The following TSHZ3 variants were observed in gnomAD, a reference collection of about 807,000 sequenced individuals.
TSHZ3 encodes teashirt zinc finger homeobox 3.
In TSHZ3, 10 loss-of-function variants were observed where a neutral mutation model predicts 64.5. The ratio of observed to expected loss-of-function variants is 0.16; its 90% CI spans 0.10 to 0.26. The LOEUF (loss-of-function observed/expected upper bound fraction) is 0.26, where lower values mean the gene tolerates loss of function less well. Ranked by LOEUF, TSHZ3 falls within the 10% of genes least tolerant of loss-of-function variation. The pLI is 1.00. For missense variants in TSHZ3, 1,242 were observed against 1,421.7 expected, an observed-to-expected ratio of 0.87 and a Z score of 2.03; for synonymous variants, 608 against 593.1, an observed-to-expected ratio of 1.03 and a Z score of -0.36.
intron 1 of TSHZ3, among the ~76,000 whole-genome samples, chr19:31,252,922 T>C (rs114254301): frequency 0.014 from 2,099 of 152,306 alleles, 55 homozygotes; most frequent in African/African-American, 0.048. Flanking sequence ...AAGGCACAAA[T>C]AATAATACTA....
intron 1 of TSHZ3, among the ~76,000 whole-genome samples, chr19:31,339,551 T>C (rs922353802): frequency 9.9e-5 from 15 of 152,172 alleles, no homozygotes; most frequent in Non-Finnish European, 1.9e-4. Flanking sequence ...CCCCGTAGTC[T>C]GGCTGGGGCC....
At chr19:31,322,074 C>G (rs1446540206) in intron 1 of TSHZ3, among the ~76,000 whole-genome samples, 2 of 152,054 alleles carry the variant, frequency 1.3e-5, no homozygotes, top group East Asian at 1.9e-4. Context: ...AGTGAGAACA[C>G]GCAGTGTTTG....
chr19:31,224,903 A>G (rs1012716203), intron 4 of TSHZ3, among the ~76,000 whole-genome samples: 1 of 152,300 alleles, frequency 6.6e-6, no homozygotes. Context: ...TTAAATGGCA[A>G]ATTACCAGCC....
intron 4 of TSHZ3, among the ~76,000 whole-genome samples, chr19:31,214,017 A>G (rs1190338881): frequency 6.6e-6 from 1 of 152,226 alleles, no homozygotes; most frequent in Non-Finnish European, 1.5e-5. Flanking sequence ...ACTTGTGCTG[A>G]GTGTGGCCGC....
chr19:31,249,736 A>G (rs1247651133), intron 1 of TSHZ3, among the ~76,000 whole-genome samples: 1 of 152,124 alleles, frequency 6.6e-6, no homozygotes. Flanking sequence ...GACCCCAGAG[A>G]TAGGGCCAGA....
chr19:31,260,041 T>C (rs892073251), intron 1 of TSHZ3, among the ~76,000 whole-genome samples: 4 of 152,190 alleles, frequency 2.6e-5, no homozygotes, highest in Admixed American at 2.0e-4. Context: ...TTCCTTCTGC[T>C]CTGCCCTGTG....
intron 5 of TSHZ3, among the ~76,000 whole-genome samples, chr19:31,180,157 T>C (rs564618780): frequency 1.3e-5 from 2 of 152,150 alleles, no homozygotes; most frequent in South Asian, 2.1e-4. Context: ...ATTATTACTG[T>C]AGACTAGGGC....
In TSHZ3 at chr19:31,173,351, C is replaced by T. The variant is rs571241247; in HGVS notation, n.810-16934G>A. 2.8e-4 allele frequency among the ~76,000 whole-genome samples: 43 copies of T among 152,302 alleles called. No homozygotes were observed. In the South Asian group the frequency reaches 8.7e-3, roughly 31 times the overall value. ...TTTGTAAACAAGGAATCCCTGACTACCTTGTTTGTTGTGAAAAACAATAAA... is the reference window on the plus strand; with the variant it reads ...TTTGTAAACAAGGAATCCCTGACTATCTTGTTTGTTGTGAAAAACAATAAA... On this transcript the variant is annotated intron_variant and non_coding_transcript_variant, in intron 5 of 6. Transcript: ENST00000651361.
At chr19:31,225,741 T>A (rs1975451073) in intron 4 of TSHZ3, among the ~76,000 whole-genome samples, 1 of 152,190 alleles carries the variant, frequency 6.6e-6, no homozygotes, top group African/African-American at 2.4e-5. Context: ...CAGTTTCCAC[T>A]AGTCTCCCAG....
At position 31,228,638 on chromosome 19, in the gene TSHZ3, C is replaced by G. The variant is rs1010313907; in HGVS notation, n.551-498G>C. 2.0e-5 allele frequency among the ~76,000 whole-genome samples: 3 copies of G among 151,916 alleles called. No individual in the cohort carries two copies. The South Asian group carries it at 6.2e-4, about 32-fold the overall frequency. On this transcript the variant is annotated intron_variant and non_coding_transcript_variant, in intron 3 of 6. Coordinates refer to the TSHZ3 transcript ENST00000651361. Reference sequence around the variant, plus strand: ...TGTGTTTCAATCAGAAGCTTAGGGTCAAACTTTCTTCCTTGAGCTGGGATA... The same window carrying G: ...TGTGTTTCAATCAGAAGCTTAGGGTGAAACTTTCTTCCTTGAGCTGGGATA...
At chr19:31,247,357 C>T (rs764675250) in intron 1 of TSHZ3, among the ~76,000 whole-genome samples, 5 of 152,198 alleles carry the variant, frequency 3.3e-5, no homozygotes, top group Non-Finnish European at 7.3e-5. Context: ...AAAGCTACAT[C>T]TTGTGCCCCC....
Position 31,164,785 on chromosome 19 carries a change from C to T in TSHZ3, n.810-8368G>A, listed in dbSNP as rs563176250. Among the ~76,000 whole-genome samples, 9 of 152,336 alleles carry T rather than the reference C, an allele frequency of 5.9e-5. No individual in the cohort carries two copies. The South Asian group carries it at 8.3e-4, about 14-fold the overall frequency. On this transcript the variant is annotated intron_variant and non_coding_transcript_variant, in intron 5 of 6. Coordinates refer to the TSHZ3 transcript ENST00000651361. ...CCCACCAAGCTCTCCTCCTTTCCCC[C>T]CTTTGTGGCTGCTGCGGTGGTTTTC...
intron 1 of TSHZ3, among the ~76,000 whole-genome samples, chr19:31,330,828 G>A (rs1340852675): frequency 6.6e-6 from 1 of 152,084 alleles, no homozygotes; most frequent in Non-Finnish European, 1.5e-5. Flanking sequence ...TGTTGGCAGG[G>A]TCACAGCTCT....
chr19:31,230,982 A>G (rs955632184), intron 3 of TSHZ3, among the ~76,000 whole-genome samples: 3 of 151,822 alleles, frequency 2.0e-5, no homozygotes, highest in Non-Finnish European at 4.4e-5. Flanking sequence ...GATTACAGGC[A>G]TGAGCCACCG....
intron 6 of TSHZ3, among the ~76,000 whole-genome samples, chr19:31,154,173 C>T (rs529767833): frequency 6.6e-6 from 1 of 152,310 alleles, no homozygotes; most frequent in East Asian, 1.9e-4. Flanking sequence ...AGCAGAGCTA[C>T]CCAGCAGAGC....
At chr19:31,338,376 G>A (rs1027036784) in intron 1 of TSHZ3, among the ~76,000 whole-genome samples, 1 of 152,186 alleles carries the variant, frequency 6.6e-6, no homozygotes, top group Non-Finnish European at 1.5e-5. Context: ...AGAGGGGACA[G>A]AGCTCAGACA....
intron 1 of TSHZ3, among the ~76,000 whole-genome samples, chr19:31,289,095 A>G (rs779633195): frequency 7.9e-5 from 12 of 152,230 alleles, no homozygotes; most frequent in Non-Finnish European, 1.6e-4. Flanking sequence ...GGACTTTTCT[A>G]AGTTAAAGAA....
downstream of TSHZ3, among the ~76,000 whole-genome samples, chr19:31,270,180 G>T (rs1976116004): frequency 6.6e-6 from 1 of 152,214 alleles, no homozygotes; most frequent in South Asian, 2.1e-4. Flanking sequence ...TTTGATCAGA[G>T]ATAGTAGCAT....
At chr19:31,289,432 G>A (rs547387218) in intron 1 of TSHZ3, among the ~76,000 whole-genome samples, 2 of 152,326 alleles carry the variant, frequency 1.3e-5, no homozygotes, top group African/African-American at 4.8e-5. Flanking sequence ...GAAAAAGGGA[G>A]GGAAATGGAG....
Sources: gnomAD v4.1 joint callset for allele counts (sites outside exome capture counted in the v4.1 genomes callset) on GRCh38, gnomAD v4.1.1 for gene constraint, MANE v1.5 for transcripts, NCBI Gene and HGNC (gene_info 2026-07-23, HGNC 2026-07-21) for gene names.